Variants in PPIL6 observed in about 807,000 individuals in gnomAD.
The protein encoded by PPIL6 is peptidylprolyl isomerase like 6.
Under a neutral mutation model 36.8 loss-of-function variants are expected in PPIL6, and 39 were observed. The observed-to-expected ratio is 1.06, with a 90% CI of 0.82 to 1.38. The LOEUF is 1.38. PPIL6 is among the 40% of genes most tolerant of loss of function. The pLI is 0.00. For synonymous variants in PPIL6, 123 were observed against 134.1 expected, an observed-to-expected ratio of 0.92 and a Z score of 0.57; for missense variants, 368 against 379.1, an observed-to-expected ratio of 0.97 and a Z score of 0.24.
At position 109,396,881 on chromosome 6, in the gene PPIL6, T is replaced by A. The variant is rs541382093; in HGVS notation, c.824+3154A>T. On this transcript the variant is annotated intron_variant, in intron 7 of 7. Transcript: ENST00000521072. ...ACCTGGAAACTGGGCTTGGAAGGAGTGCCTGTCTTGGATCAGAGAGGAATA... is the reference window on the plus strand; with the variant it reads ...ACCTGGAAACTGGGCTTGGAAGGAGAGCCTGTCTTGGATCAGAGAGGAATA... Among the ~76,000 whole-genome samples the A allele has an allele frequency of 1.1e-3, 168 of 151,650 alleles. 1 individual carries two copies. The highest frequency in any genetic ancestry group is 3.4e-3 in the Middle Eastern group (1 of 294).
chr6:109,440,902 T>C (rs1774834205), upstream of PPIL6: 1 of 560,932 alleles, frequency 1.8e-6, no homozygotes, highest in African/African-American at 2.0e-5. Context: ...CGGATCGCCT[T>C]TCCGGGTTGG....
chr6:109,436,085 C>T lies in PPIL6; in HGVS notation c.231+19G>A, dbSNP rs770894756. On this transcript the variant is annotated intron_variant, in intron 2 of 7. Transcript: ENST00000521072. ...CTTGGCTTGTTGTCTATATCCCCCA[C>T]ACCCCAAATATCCTTTACCCTTTTT... 4 of 1,355,880 alleles carry T rather than the reference C, an allele frequency of 3.0e-6. No homozygotes were observed. The highest frequency in any genetic ancestry group is 4.2e-6 in the Non-Finnish European group (4 of 946,834). 84.0% of individuals were successfully genotyped at this position (1,355,880 alleles called of 1,614,324 possible).
At chr6:109,423,792 T>TATAATG (rs1773673538) in intron 5 of PPIL6, among the ~76,000 whole-genome samples, 1 of 152,132 alleles carries the variant, frequency 6.6e-6, no homozygotes, top group South Asian at 2.1e-4. Flanking sequence ...ACCAAAGTGG[T>TATAATG]ATAATGACTT....
upstream of PPIL6, chr6:109,441,101 C>T (rs1774850872): frequency 6.2e-7 from 1 of 1,613,950 alleles, no homozygotes; most frequent in East Asian, 2.2e-5. Flanking sequence ...AGCCGCCTAG[C>T]GCCCCTGGAG....
At chr6:109,414,230 C>A (rs920984890) in intron 6 of PPIL6, among the ~76,000 whole-genome samples, 45 of 152,276 alleles carry the variant, frequency 3.0e-4, no homozygotes, top group African/African-American at 1.0e-3. Context: ...AAGATACACA[C>A]CTACTATGTA....
At chr6:109,397,953 G>A (rs1772367409) in intron 7 of PPIL6, among the ~76,000 whole-genome samples, 1 of 150,970 alleles carries the variant, frequency 6.6e-6, no homozygotes, top group Non-Finnish European at 1.5e-5. Context: ...GTGCAGTGGT[G>A]CGATCTCGGC....
chr6:109,424,078 T>G (rs1269462950), intron 5 of PPIL6, among the ~76,000 whole-genome samples: 1 of 152,030 alleles, frequency 6.6e-6, no homozygotes, highest in Admixed American at 6.6e-5. Context: ...GGAAGAAAGA[T>G]AAAACAAGGT....
At chr6:109,412,438 A>G (rs1205822626) in intron 6 of PPIL6, among the ~76,000 whole-genome samples, 2 of 152,268 alleles carry the variant, frequency 1.3e-5, no homozygotes, top group Non-Finnish European at 2.9e-5. Context: ...AGCTAAAGCT[A>G]TCTTAAGCAA....
At chr6:109,428,003 T>C (rs78363041) in intron 3 of PPIL6, among the ~76,000 whole-genome samples, 1,781 of 152,242 alleles carry the variant, frequency 0.012, 29 homozygotes, top group East Asian at 0.059. Context: ...CCTATATCCA[T>C]AGCAGGTGTA....
At chr6:109,403,493 C>T (rs1033610251) in intron 6 of PPIL6, among the ~76,000 whole-genome samples, 8 of 152,146 alleles carry the variant, frequency 5.3e-5, no homozygotes, top group African/African-American at 1.7e-4. Flanking sequence ...GAATTTCTGT[C>T]CTCTTTGTTT....
chr6:109,411,965 TGACTCCAGAGGTGGGGCTCAGATTGAG>T (rs1242840873), intron 6 of PPIL6, among the ~76,000 whole-genome samples: 3 of 152,292 alleles, frequency 2.0e-5, no homozygotes, highest in East Asian at 1.9e-4. Flanking sequence ...AGGCAGGACT[TGACTCCAGAGGTGGGGCTCAGATTGAG>T]GACTCCAGAG....
At chr6:109,403,444 G>C (rs1772647089) in intron 6 of PPIL6, among the ~76,000 whole-genome samples, 1 of 152,170 alleles carries the variant, frequency 6.6e-6, no homozygotes, top group African/African-American at 2.4e-5. Context: ...AGGGGGCTGA[G>C]CCTCTTTAGG....
chr6:109,420,332 CAAAAAAAAAAAAAA>C (rs564751735), intron 5 of PPIL6, among the ~76,000 whole-genome samples: 4 of 50,958 alleles, frequency 7.8e-5, no homozygotes, highest in South Asian at 1.5e-3. Flanking sequence ...GACTCCATCT[CAAAAAAAAAAAAAA>C]AAAAAAAAAA....
intron 6 of PPIL6, among the ~76,000 whole-genome samples, chr6:109,409,930 T>A (rs1013593416): frequency 6.6e-6 from 1 of 152,214 alleles, no homozygotes; most frequent in Non-Finnish European, 1.5e-5. Context: ...TTATTTAAAA[T>A]GTCCATACTA....
intron 6 of PPIL6, among the ~76,000 whole-genome samples, chr6:109,415,186 T>C (rs1173278382): frequency 6.6e-6 from 1 of 152,222 alleles, no homozygotes. Context: ...AAATACATTA[T>C]AATTTGTTTG....
intron 2 of PPIL6, among the ~76,000 whole-genome samples, chr6:109,431,842 T>C (rs1406481954): frequency 6.6e-6 from 1 of 152,252 alleles, no homozygotes; most frequent in Non-Finnish European, 1.5e-5. Flanking sequence ...CAACAGCTTT[T>C]GTAATCGCCC....
intron 6 of PPIL6, among the ~76,000 whole-genome samples, chr6:109,418,456 TG>T (rs1246192468): frequency 6.6e-6 from 1 of 152,184 alleles, no homozygotes; most frequent in African/African-American, 2.4e-5. Flanking sequence ...TGTCCTTAAC[TG>T]TTTGTATTGT....
At chr6:109,439,643 T>C (rs1774682204) in intron 1 of PPIL6, among the ~76,000 whole-genome samples, 1 of 152,210 alleles carries the variant, frequency 6.6e-6, no homozygotes, top group Non-Finnish European at 1.5e-5. Context: ...AGATATCTTC[T>C]ATTTGGGAAC....
At chr6:109,430,592 A>C (rs1774086859) in intron 3 of PPIL6, among the ~76,000 whole-genome samples, 1 of 152,066 alleles carries the variant, frequency 6.6e-6, no homozygotes, top group Non-Finnish European at 1.5e-5. Flanking sequence ...ACGCCCAGCT[A>C]ATTTTTGTAT....
Sources: gnomAD v4.1 joint callset for allele counts (sites outside exome capture counted in the v4.1 genomes callset) on GRCh38, gnomAD v4.1.1 for gene constraint, MANE v1.5 for transcripts, NCBI Gene and HGNC (gene_info 2026-07-23, HGNC 2026-07-21) for gene names.